Variants in RGS6 observed in about 807,000 individuals in gnomAD.
RGS6 encodes regulator of G protein signaling 6.
RGS6 carries 30 observed loss-of-function variants against 78.5 expected under a neutral mutation model. That is an observed-to-expected ratio of 0.38 (90% confidence interval 0.29 to 0.52). RGS6 has a LOEUF of 0.52. RGS6 is among the 20% of genes least tolerant of loss of function. The pLI, the probability that RGS6 is intolerant of heterozygous loss-of-function variation, is 0.85. For synonymous variants in RGS6, 206 were observed against 206.0 expected (o/e 1.00, Z 0.00); for missense variants, 495 against 609.7 (o/e 0.81, Z 1.98).
chr14:71,876,965 G>T, the RGS6 span, among the ~76,000 whole-genome samples: 3 of 152,140 alleles, frequency 2.0e-5, no homozygotes, highest in African/African-American at 4.8e-5. Flanking sequence ...GAAATTCTGG[G>T]TTGAAAATTC....
At chr14:72,408,765 G>A (rs1228075248) in intron 3 of RGS6, among the ~76,000 whole-genome samples, 1 of 152,164 alleles carries the variant, frequency 6.6e-6, no homozygotes, top group Non-Finnish European at 1.5e-5. Flanking sequence ...TACATAATCG[G>A]TGCATTTCTG....
At chr14:72,626,874 T>C in the RGS6 span, among the ~76,000 whole-genome samples, 1 of 152,030 alleles carries the variant, frequency 6.6e-6, no homozygotes, top group South Asian at 2.1e-4. Context: ...GCCCATCTGA[T>C]AAGTAAGAAA....
intron 2 of RGS6, among the ~76,000 whole-genome samples, chr14:72,105,869 G>C (rs577683704): frequency 6.6e-6 from 1 of 152,318 alleles, no homozygotes; most frequent in Non-Finnish European, 1.5e-5. Context: ...CAAGTTTGTA[G>C]AGAGATACCC....
In RGS6 at chr14:72,259,910, C is replaced by T. The variant is rs867964761; in HGVS notation, c.85-92185C>T. 4.4e-3 allele frequency among the ~76,000 whole-genome samples: 303 copies of T among 68,426 alleles called. 4 individuals carry two copies. The highest frequency in any genetic ancestry group is 0.026 in the African/African-American group (294 of 11,156). 44.9% of individuals were successfully genotyped at this position (68,426 alleles called of 152,430 possible). On this transcript the variant is annotated intron_variant, in intron 2 of 17. Transcript: ENST00000553525. ...TGGGTGACAGAGTGAGACTCCGTCT[C>T]AAAAAAAAAAAAAAAAAAAAAGCTT...
the RGS6 span, among the ~76,000 whole-genome samples, chr14:72,604,092 C>T: frequency 2.0e-5 from 3 of 152,148 alleles, no homozygotes; most frequent in African/African-American, 4.8e-5. Context: ...AGATCTCAGG[C>T]TCTTTTCTCA....
chr14:72,458,479 G>A, intron 5 of RGS6, 102 bp downstream of exon 5: 2 of 859,756 alleles, frequency 2.3e-6, no homozygotes, highest in Non-Finnish European at 1.9e-6. Flanking sequence ...TGAGGGAGTA[G>A]CCCTCACTCC....
At chr14:72,124,320 A>G (rs1220143473) in intron 2 of RGS6, among the ~76,000 whole-genome samples, 1 of 152,188 alleles carries the variant, frequency 6.6e-6, no homozygotes, top group Non-Finnish European at 1.5e-5. Context: ...CCTGCCTTGT[A>G]CAGTTCGCAG....
At chr14:72,459,299 G>A (rs1425077234) in intron 5 of RGS6, among the ~76,000 whole-genome samples, 2 of 152,186 alleles carry the variant, frequency 1.3e-5, no homozygotes, top group Admixed American at 6.5e-5. Flanking sequence ...AGGTTAAAGG[G>A]AGGAAAGGAA....
At chr14:71,899,979 A>G in the RGS6 span, among the ~76,000 whole-genome samples, 72 of 152,328 alleles carry the variant, frequency 4.7e-4, no homozygotes, top group Middle Eastern at 3.4e-3. Flanking sequence ...ACTCAACTTA[A>G]ATCACTTTTC....
intron 2 of RGS6, among the ~76,000 whole-genome samples, chr14:72,333,949 A>C (rs747405495): frequency 6.6e-6 from 1 of 152,162 alleles, no homozygotes; most frequent in African/African-American, 2.4e-5. Context: ...AAAGCTTTTT[A>C]TCTGTCAGAA....
At chr14:72,524,462 C>T (rs569638066) in intron 15 of RGS6, among the ~76,000 whole-genome samples, 1 of 152,322 alleles carries the variant, frequency 6.6e-6, no homozygotes, top group East Asian at 1.9e-4. Flanking sequence ...CCTTGTAGGG[C>T]ATTTGTCTCT....
At chr14:72,289,456 A>G (rs1314449066) in intron 2 of RGS6, among the ~76,000 whole-genome samples, 1 of 152,156 alleles carries the variant, frequency 6.6e-6, no homozygotes, top group Admixed American at 6.5e-5. Context: ...CCCATTTCAC[A>G]GAATCACGAA....
intron 2 of RGS6, among the ~76,000 whole-genome samples, chr14:72,230,795 G>T (rs1206150460): frequency 1.3e-5 from 2 of 152,094 alleles, no homozygotes; most frequent in African/African-American, 4.8e-5. Context: ...ATGATCAAGG[G>T]TTATCTCCTT....
chr14:72,534,946 G>A (rs1323848894), intron 15 of RGS6, among the ~76,000 whole-genome samples: 2 of 152,160 alleles, frequency 1.3e-5, no homozygotes, highest in African/African-American at 4.8e-5. Context: ...TCCTCCACCA[G>A]GACAGCCATT....
At chr14:71,918,239 G>T in the RGS6 span, among the ~76,000 whole-genome samples, 1 of 135,298 alleles carries the variant, frequency 7.4e-6, no homozygotes, top group African/African-American at 2.8e-5. Context: ...CAAGTATAAG[G>T]CCAACTTGGA....
chr14:71,959,138 A>C (rs1365756093), intron 1 of RGS6, among the ~76,000 whole-genome samples: 1 of 152,158 alleles, frequency 6.6e-6, no homozygotes, highest in Non-Finnish European at 1.5e-5. Context: ...AATATATAGG[A>C]AATGTCAAGT....
Position 72,131,785 on chromosome 14 carries a change from C to T in RGS6, c.84+166910C>T, listed in dbSNP as rs2096323730. On this transcript the variant is annotated intron_variant, in intron 2 of 17. Coordinates refer to ENST00000553525, the MANE Select transcript of RGS6 (RefSeq NM_001204424.2). ...CCCTTCCTATTATTTCAGCTCTTAC[C>T]TCTACTTTCTCAATATACATTAAAG... is the stretch of plus-strand genomic sequence containing the variant. Among the ~76,000 whole-genome samples the T allele has an allele frequency of 3.9e-5, 6 of 152,182 alleles. No homozygotes were observed. In the South Asian group the frequency reaches 1.0e-3, roughly 26 times the overall value.
chr14:72,347,628 C>T (rs1187882021), intron 2 of RGS6, among the ~76,000 whole-genome samples: 1 of 152,148 alleles, frequency 6.6e-6, no homozygotes, highest in Non-Finnish European at 1.5e-5. Flanking sequence ...TAAGATAAAG[C>T]TCTTAGAGCA....
the RGS6 span, among the ~76,000 whole-genome samples, chr14:71,907,104 G>A: frequency 6.6e-6 from 1 of 152,210 alleles, no homozygotes; most frequent in Non-Finnish European, 1.5e-5. Context: ...GCCAGACATG[G>A]TATTGGATGT....
Sources: allele counts gnomAD v4.1 joint callset (sites outside exome capture counted in the v4.1 genomes callset), GRCh38; gene constraint gnomAD v4.1.1; transcripts MANE v1.5; gene names NCBI Gene and HGNC (gene_info 2026-07-23, HGNC 2026-07-21).